The following TAGAP variants were observed in gnomAD, a reference collection of about 807,000 sequenced individuals.
The protein encoded by TAGAP is T-cell activation Rho GTPase-activating protein.
TAGAP carries 16 observed loss-of-function variants against 36.0 expected under a neutral mutation model. The observed-to-expected ratio is 0.44, with a 90% CI of 0.30 to 0.68. The LOEUF (loss-of-function observed/expected upper bound fraction) is 0.68, where lower values mean the gene tolerates loss of function less well. TAGAP is among the 30% of genes least tolerant of loss of function. TAGAP has a pLI of 0.09. For synonymous variants in TAGAP, 372 were observed against 377.4 expected (o/e 0.99, Z 0.17); for missense variants, 794 against 921.5 (o/e 0.86, Z 1.79).
At position 159,039,721 on chromosome 6, in the gene TAGAP, A is replaced by G. The variant is rs556312331; in HGVS notation, c.588-412T>C. On this transcript the variant is annotated intron_variant, in intron 7 of 9. Coordinates refer to ENST00000367066, the MANE Select transcript of TAGAP (RefSeq NM_054114.5). ...TTTTCTTGCCTTAAAACAAAGACGG[A>G]AACAAAACTATAATTACCAAACGAA... is the stretch of plus-strand genomic sequence containing the variant. 1.3e-4 allele frequency among the ~76,000 whole-genome samples: 20 copies of G among 152,350 alleles called. No individual in the cohort carries two copies. In the South Asian group the frequency reaches 1.9e-3, roughly 14 times the overall value.
intron 4 of TAGAP, chr6:159,042,735 C>T (rs540535094): frequency 1.9e-5 from 3 of 154,716 alleles, no homozygotes; most frequent in African/African-American, 7.2e-5. Context: ...TGGCTCCAAC[C>T]CTTTGCAGCC....
intron 1 of TAGAP, among the ~76,000 whole-genome samples, chr6:159,044,417 G>A (rs1052275110): frequency 3.3e-5 from 5 of 152,168 alleles, no homozygotes; most frequent in Admixed American, 2.6e-4. Context: ...GTTAAGAGCA[G>A]CATCTGAACA....
chr6:159,036,222 G>C lies in TAGAP; in HGVS notation c.1801C>G (p.Gln601Glu), dbSNP rs1275174600. ...GSPPSYEEAMQGPAARLVASE... is the reference protein window; with the variant it reads ...GSPPSYEEAMEGPAARLVASE... Reference sequence around the variant, plus strand: ...GCCACTAGTCTGGCTGCCGGGCCCTGCATGGCCTCTTCATAAGAGGGTGGG... The same window carrying C: ...GCCACTAGTCTGGCTGCCGGGCCCTCCATGGCCTCTTCATAAGAGGGTGGG... Residue 601 changes from glutamine (Q) to glutamate (E), a missense_variant, in exon 10 of 10, where the codon CAG becomes GAG. Coordinates refer to ENST00000367066, the MANE Select transcript of TAGAP (RefSeq NM_054114.5). This position sits in a 1 kb window ranked among gnomAD's most constrained non-coding sequence, Gnocchi z 4.9. The C allele has an allele frequency of 6.2e-7, 1 of 1,611,462 alleles. No individual in the cohort carries two copies. The highest frequency in any genetic ancestry group is 8.5e-7 in the Non-Finnish European group (1 of 1,179,546).
chr6:159,041,660 G>A lies in TAGAP; in HGVS notation c.316-145C>T. The A allele has an allele frequency of 2.1e-6, 2 of 932,216 alleles. No homozygotes were observed. The highest frequency in any genetic ancestry group is 3.1e-6 in the Non-Finnish European group (2 of 654,458). 57.7% of individuals were successfully genotyped at this position (932,216 alleles called of 1,614,324 possible). On this transcript the variant is annotated intron_variant, in intron 5 of 9. Transcript: ENST00000367066. This position sits in a 1 kb window ranked among gnomAD's most constrained non-coding sequence, Gnocchi z 4.1. ...TTCCTCAACCCTGCTATTTTTCTAA[G>A]AGGAGGCAAATTGTGAAAGCTCTAA... is the stretch of plus-strand genomic sequence containing the variant.
Position 159,034,711 on chromosome 6 carries a change from A to G in TAGAP, c.*1116T>C, listed in dbSNP as rs1171899581. On this transcript the variant is annotated 3_prime_UTR_variant, in exon 10 of 10. Coordinates refer to ENST00000367066, the MANE Select transcript of TAGAP (RefSeq NM_054114.5). ...ATTCACTAGAAATGAGAAATTTTACATTTGTTATATTATCCTGTATTTGTG... is the reference window on the plus strand; with the variant it reads ...ATTCACTAGAAATGAGAAATTTTACGTTTGTTATATTATCCTGTATTTGTG... 2 of 152,184 alleles carry G rather than the reference A, an allele frequency of 1.3e-5. No individual in the cohort carries two copies. The highest frequency in any genetic ancestry group is 3.9e-4 in the East Asian group (2 of 5,188). The allele number at this position is 152,184 out of a possible 1,614,324, so 9.4% of individuals were successfully genotyped here.
intron 2 of TAGAP, 31 bp downstream of exon 2, chr6:159,044,089 G>A (rs749733043): frequency 2.5e-5 from 41 of 1,613,808 alleles, no homozygotes; most frequent in Non-Finnish European, 3.3e-5. Flanking sequence ...TGTAGGAAAC[G>A]TGAATGAATG....
At chr6:159,042,341 T>C (rs1779786644) in intron 4 of TAGAP, 97 bp from the exon 5 acceptor site, 1 of 1,510,742 alleles carries the variant, frequency 6.6e-7, no homozygotes, top group Non-Finnish European at 8.8e-7. Context: ...CCGCATAATG[T>C]GGTCAATAGT....
Position 159,037,054 on chromosome 6 carries a change from A to T in TAGAP, c.969T>A (p.Ser323Arg). Residue 323 changes from serine (S) to arginine (R), a missense_variant, in exon 10 of 10, where the codon AGT becomes AGA. Coordinates refer to ENST00000367066, the MANE Select transcript of TAGAP (RefSeq NM_054114.5). The surrounding 1 kb of genome is among the most constrained non-coding windows in gnomAD (Gnocchi z 5.1). ...NDPDVESNSSSGISSPSRQPQ... is the reference protein window; with the variant it reads ...NDPDVESNSSRGISSPSRQPQ... ...GCTGCCTGCTGGGAGAGCTGATGCC[A>T]CTGCTGCTGTTGGATTCCACATCAG... 1.2e-6 allele frequency: 2 copies of T among 1,613,126 alleles called. No homozygotes were observed. The highest frequency in any genetic ancestry group is 8.5e-7 in the Non-Finnish European group (1 of 1,180,034).
Position 159,041,242 on chromosome 6 carries a change from C to A in TAGAP, c.477+112G>T. ...AGGGCTTAATGAAAAAAATTAAACTCCAAGATCAGTGTACCTTGCTGTGTG... is the reference window on the plus strand; with the variant it reads ...AGGGCTTAATGAAAAAAATTAAACTACAAGATCAGTGTACCTTGCTGTGTG... On this transcript the variant is annotated intron_variant, in intron 6 of 9. Coordinates refer to ENST00000367066, the MANE Select transcript of TAGAP (RefSeq NM_054114.5). The surrounding 1 kb of genome is among the most constrained non-coding windows in gnomAD (Gnocchi z 4.1). 7.4e-7 allele frequency: 1 copy of A among 1,351,046 alleles called. No individual in the cohort carries two copies. The highest frequency in any genetic ancestry group is 2.3e-5 in the Admixed American group (1 of 42,590). 83.7% of individuals were successfully genotyped at this position (1,351,046 alleles called of 1,614,324 possible).
chr6:159,043,260 A>C (rs1260594416), intron 4 of TAGAP, among the ~76,000 whole-genome samples: 4 of 152,214 alleles, frequency 2.6e-5, no homozygotes, highest in Non-Finnish European at 5.9e-5. Flanking sequence ...CATTCTCCAT[A>C]AGAGAAGGAA....
At position 159,035,964 on chromosome 6, in the gene TAGAP, C is replaced by T; in HGVS notation, c.2059G>A (p.Gly687Arg). ...CTCAGCGGGAGGAGCTCAGGTCTCC[C>T]TGGGCCAGACACGTGCCCCAGAGAG... is the stretch of plus-strand genomic sequence containing the variant. ...GDSLGHVSGP[G>R]RPELLPLRTV... The change falls in exon 10 of 10, where the codon GGG becomes AGG. Residue 687 changes from glycine to arginine, a missense_variant. Physicochemically the swap from Gly to Arg is moderately radical, Grantham distance 125. Coordinates refer to ENST00000367066, the MANE Select transcript of TAGAP (RefSeq NM_054114.5). 2.5e-6 allele frequency: 4 copies of T among 1,614,174 alleles called. No homozygotes were observed. In the African/African-American group the frequency reaches 4.0e-5, roughly 16 times the overall value.
Position 159,035,977 on chromosome 6 carries a change from G to A in TAGAP, c.2046C>T (p.His682=). The change falls in exon 10 of 10, where the codon CAC becomes CAT. Residue 682 remains histidine, a synonymous_variant. Transcript: ENST00000367066. ...TVHASGDSLG[H]VSGPGRPELL... ...GCTCAGGTCTCCCTGGGCCAGACACGTGCCCCAGAGAGTCCCCAGAAGCAT... is the reference window on the plus strand; with the variant it reads ...GCTCAGGTCTCCCTGGGCCAGACACATGCCCCAGAGAGTCCCCAGAAGCAT... 13 of 1,614,132 alleles carry A rather than the reference G, an allele frequency of 8.1e-6. No individual in the cohort carries two copies. Among genetic ancestry groups the A allele is most frequent in the Non-Finnish European group, 1.1e-5 (13 of 1,179,982 alleles).
intron 8 of TAGAP, 86 bp downstream of exon 8, chr6:159,039,028 C>A: frequency 6.2e-7 from 1 of 1,600,594 alleles, no homozygotes; most frequent in South Asian, 1.1e-5. Context: ...CAGTTGGAGA[C>A]ATTCTGAAGC....
In TAGAP at chr6:159,041,124, G is replaced by A. The variant is rs879668344; in HGVS notation, c.477+230C>T. The A allele has an allele frequency of 1.6e-5, 10 of 629,358 alleles. No individual in the cohort carries two copies. The highest frequency in any genetic ancestry group is 2.4e-5 in the Non-Finnish European group (9 of 372,296). 39.0% of individuals were successfully genotyped at this position (629,358 alleles called of 1,614,324 possible). On this transcript the variant is annotated intron_variant, in intron 6 of 9. Transcript: ENST00000367066. This position sits in a 1 kb window ranked among gnomAD's most constrained non-coding sequence, Gnocchi z 4.1. ...CTGCCACGGAACAATCAAATTGCCC[G>A]TACTTGGCAAAGTTTTGGGAGAGCA...
In TAGAP at chr6:159,035,849, T is replaced by C. The variant is rs144691673; in HGVS notation, c.2174A>G (p.Tyr725Cys). The change falls in exon 10 of 10, where the codon TAT (tyrosine) becomes TGT (cysteine). Residue 725 changes from tyrosine to cysteine, a missense_variant. Physicochemically the swap from Tyr to Cys is radical, Grantham distance 194. Coordinates refer to ENST00000367066, the MANE Select transcript of TAGAP (RefSeq NM_054114.5). Reference protein sequence around the residue: ...QPVFEADQFQYAKESYI With the variant: ...QPVFEADQFQCAKESYI ...CTCCTAAATATACGATTCTTTGGCA[T>C]ATTGGAATTGGTCAGCCTCAAAGAC... is the stretch of plus-strand genomic sequence containing the variant. 8.7e-6 allele frequency: 14 copies of C among 1,602,356 alleles called. No individual in the cohort carries two copies. The highest frequency in any genetic ancestry group is 1.7e-5 in the Admixed American group (1 of 59,746).
At position 159,039,151 on chromosome 6, in the gene TAGAP, C is replaced by T; in HGVS notation, c.746G>A (p.Ser249Asn). ...GTCCTTCTGGGCTTCAAATGACAGG[C>T]TCTGGTCATTCTCCAGGGTGAGCAT... ...PNMLTLENDQ[S>N]LSFEAQKDLN... Residue 249 changes from serine (S) to asparagine (N), a missense_variant, in exon 8 of 10, where the codon AGC becomes AAC. By Grantham distance (46) the Ser-to-Asn change is conservative. Transcript: ENST00000367066. 6.2e-7 allele frequency: 1 copy of T among 1,614,140 alleles called. No individual in the cohort carries two copies.
rs768206481 is a variant in TAGAP at position 159,036,796 on chromosome 6, T to C, written c.1227A>G (p.Val409=). 6.2e-7 allele frequency: 1 copy of C among 1,614,118 alleles called. No individual in the cohort carries two copies. Among genetic ancestry groups the C allele is most frequent in the Non-Finnish European group, 8.5e-7 (1 of 1,180,036 alleles). Residue 409 remains valine (V), a synonymous_variant, in exon 10 of 10, where the codon GTA becomes GTG. Transcript: ENST00000367066. The surrounding 1 kb of genome is among the most constrained non-coding windows in gnomAD (Gnocchi z 4.9). ...CCTCCTCACTTTCCAAACGAGAGCC[T>C]ACCCGGGGCACGGGGAAGTCCCCTT... ...KSEGDFPVPR[V]GSRLESEEAE... is the part of the protein sequence containing the mutation.
Position 159,036,714 on chromosome 6 carries a change from G to T in TAGAP, c.1309C>A (p.Pro437Thr). The T allele has an allele frequency of 6.2e-7, 1 of 1,614,212 alleles. No individual in the cohort carries two copies. The highest frequency in any genetic ancestry group is 8.5e-7 in the Non-Finnish European group (1 of 1,180,030). ...FPAVQGKTKR[P>T]VDLKIKNLAP... is the part of the protein sequence containing the mutation. ...AAGTTCTTGATCTTCAGGTCCACCG[G>T]CCTCTTGGTTTTGCCTTGCACTGCA... The change falls in exon 10 of 10, where the codon CCG becomes ACG. Residue 437 changes from proline to threonine, a missense_variant. By Grantham distance (38) the Pro-to-Thr change is conservative. Coordinates refer to ENST00000367066, the MANE Select transcript of TAGAP (RefSeq NM_054114.5). The surrounding 1 kb of genome is among the most constrained non-coding windows in gnomAD (Gnocchi z 4.9).
Position 159,041,967 on chromosome 6 carries a change from A to T in TAGAP, c.315+111T>A. The T allele has an allele frequency of 3.3e-6, 4 of 1,223,250 alleles. No individual in the cohort carries two copies. The highest frequency in any genetic ancestry group is 2.3e-6 in the Non-Finnish European group (2 of 868,026). The allele number at this position is 1,223,250 out of a possible 1,614,324, so 75.8% of individuals were successfully genotyped here. ...AGTGCCATGTTGAAGAGTGGAAAAT[A>T]TGGAAGATCAGTCCCTACAAACTTA... On this transcript the variant is annotated intron_variant, in intron 5 of 9. Transcript: ENST00000367066. This position sits in a 1 kb window ranked among gnomAD's most constrained non-coding sequence, Gnocchi z 4.1.
Sources: allele counts gnomAD v4.1 joint callset (sites outside exome capture counted in the v4.1 genomes callset), GRCh38; gene constraint gnomAD v4.1.1; non-coding constraint Gnocchi (gnomAD v3.1); transcripts MANE v1.5; gene names NCBI Gene and HGNC (gene_info 2026-07-23, HGNC 2026-07-21).